Variants in ANKRD30B observed in about 807,000 individuals in gnomAD.
The protein encoded by ANKRD30B is ankyrin repeat domain-containing protein 30B.
In ANKRD30B, 144 loss-of-function variants were observed where a neutral mutation model predicts 202.2. That is an observed-to-expected ratio of 0.71 (90% CI 0.62 to 0.82). The LOEUF (loss-of-function observed/expected upper bound fraction) is 0.82. ANKRD30B is among the 40% of genes least tolerant of loss of function. The probability of loss-of-function intolerance (pLI) is 0.00; values close to 1 mark genes in which losing one functional copy is unlikely to be tolerated. For synonymous variants in ANKRD30B, 508 were observed against 561.3 expected (o/e 0.91, Z 1.34); for missense variants, 1,487 against 1,669.1 (o/e 0.89, Z 1.90).
Position 14,769,379 on chromosome 18 carries a change from A to G in ANKRD30B, c.1256+6A>G. 2 of 1,544,624 alleles carry G rather than the reference A, an allele frequency of 1.3e-6. No individual in the cohort carries two copies. Among genetic ancestry groups the G allele is most frequent in the Non-Finnish European group, 1.7e-6 (2 of 1,143,696 alleles). On this transcript the variant is annotated splice_donor_region_variant and intron_variant, in intron 8 of 43. Transcript: ENST00000690538. ...TCTGTAGAGCCTATATTCAGGTAAG[A>G]CTTTGCGGTTTTTTAAAACGAATAG...
In ANKRD30B at chr18:14,754,986, G is replaced by A. The variant is rs755217546; in HGVS notation, c.598G>A (p.Ala200Thr). Residue 200 changes from alanine to threonine, a missense_variant, in exon 4 of 44, where the codon GCA becomes ACA. Coordinates refer to ENST00000690538, the MANE Select transcript of ANKRD30B (RefSeq NM_001367607.2). ...FLLTKNANAN[A>T]FNESKCTALM... ...ACTAACAAAAAATGCAAATGCAAAC[G>A]CATTTAATGAGTCTAAATGGTATGG... 1.9e-5 allele frequency: 29 copies of A among 1,534,898 alleles called. No individual in the cohort carries two copies. Among genetic ancestry groups the A allele is most frequent in the Admixed American group, 1.7e-4 (8 of 47,806 alleles).
At position 14,840,604 on chromosome 18, in the gene ANKRD30B, A is replaced by G. The variant is rs1264933767; in HGVS notation, c.3005A>G (p.Asp1002Gly). 6 of 1,500,452 alleles carry G rather than the reference A, an allele frequency of 4.0e-6. 1 individual carries two copies. The African/African-American group carries it at 7.0e-5, about 18-fold the overall frequency. 92.9% of individuals were successfully genotyped at this position (1,500,452 alleles called of 1,614,324 possible). ...CTTTAACAGATTATCTCTGTGAGTGATACACAGAATTATGAGTGTTTACCT... is the reference window on the plus strand; with the variant it reads ...CTTTAACAGATTATCTCTGTGAGTGGTACACAGAATTATGAGTGTTTACCT... ...TSDSEIISVS[D>G]TQNYECLPEA... Residue 1002 changes from aspartate to glycine, a missense_variant, in exon 37 of 44, where the codon GAT becomes GGT. By Grantham distance (94) the Asp-to-Gly change is moderately conservative. This residue lies in a region of ANKRD30B where 218 missense variants were observed against 320.1 expected (regional missense o/e 0.68). Coordinates refer to ENST00000690538, the MANE Select transcript of ANKRD30B (RefSeq NM_001367607.2).
rs1221700594 is a variant in ANKRD30B at position 14,752,795 on chromosome 18, A to T, written c.337-44A>T. 9 of 1,564,004 alleles carry T rather than the reference A, an allele frequency of 5.8e-6. No individual in the cohort carries two copies. The African/African-American group carries it at 1.1e-4, about 19-fold the overall frequency. ...TGAAACCTGTGGAATACTTATTTTG[A>T]TTTCCTATAATTTATAATGTACTTC... On this transcript the variant is annotated intron_variant, in intron 2 of 43. Coordinates refer to ENST00000690538, the MANE Select transcript of ANKRD30B (RefSeq NM_001367607.2).
chr18:14,826,768 A>C (rs1328078669), intron 32 of ANKRD30B, among the ~76,000 whole-genome samples: 1 of 150,616 alleles, frequency 6.6e-6, no homozygotes, highest in African/African-American at 2.4e-5. Flanking sequence ...GTATTTTCTA[A>C]GACACCCATT....
chr18:14,936,744 G>A, the ANKRD30B span, among the ~76,000 whole-genome samples: 16 of 152,124 alleles, frequency 1.1e-4, no homozygotes, highest in Non-Finnish European at 2.4e-4. Flanking sequence ...ACTGCTCTAG[G>A]GGCTGGAGAA....
the ANKRD30B span, chr18:14,888,652 C>G: frequency 4.6e-6 from 2 of 437,458 alleles, no homozygotes; most frequent in African/African-American, 4.1e-5. Flanking sequence ...AGAAAACAGT[C>G]CACTTAAAGA....
At chr18:14,938,258 C>G in the ANKRD30B span, among the ~76,000 whole-genome samples, 4 of 152,166 alleles carry the variant, frequency 2.6e-5, no homozygotes, top group African/African-American at 9.7e-5. Flanking sequence ...TTGGATTAAA[C>G]AAGAAAATAA....
intron 23 of ANKRD30B, 123 bp from the exon 24 acceptor site, chr18:14,803,611 A>G (rs1969323962): frequency 8.8e-6 from 11 of 1,245,918 alleles, no homozygotes; most frequent in Non-Finnish European, 1.1e-5. Context: ...GTCTGCTCTT[A>G]AGTCGAATTC....
At chr18:14,867,726 G>A in the ANKRD30B span, among the ~76,000 whole-genome samples, 5 of 152,170 alleles carry the variant, frequency 3.3e-5, no homozygotes, top group South Asian at 2.1e-4. Flanking sequence ...AGGGAGCCCC[G>A]GGCACTGTGG....
At chr18:14,847,023 T>A (rs1971665516) in intron 39 of ANKRD30B, among the ~76,000 whole-genome samples, 1 of 147,908 alleles carries the variant, frequency 6.8e-6, no homozygotes, top group Non-Finnish European at 1.5e-5. Context: ...TCCTTCAGAC[T>A]AGTTTAGTAA....
At chr18:14,847,050 TTATATATATATATATA>T (rs56871571) in intron 39 of ANKRD30B, among the ~76,000 whole-genome samples, 1,821 of 111,108 alleles carry the variant, frequency 0.016, 50 homozygotes, top group African/African-American at 0.055. Context: ...TGATTTAGTT[TTATATATATATATATA>T]TATATATATA....
the ANKRD30B span, among the ~76,000 whole-genome samples, chr18:14,861,787 C>T: frequency 6.6e-6 from 1 of 152,040 alleles, no homozygotes; most frequent in African/African-American, 2.4e-5. Flanking sequence ...CCAAACAGAC[C>T]TAATAGATAT....
intron 9 of ANKRD30B, among the ~76,000 whole-genome samples, chr18:14,776,185 A>G (rs1163627869): frequency 2.6e-5 from 4 of 152,138 alleles, no homozygotes; most frequent in Non-Finnish European, 5.9e-5. Context: ...TCCTGATGAG[A>G]TTTTCAATAT....
intron 42 of ANKRD30B, among the ~76,000 whole-genome samples, chr18:14,853,367 A>G (rs1415597383): frequency 6.6e-6 from 1 of 152,160 alleles, no homozygotes; most frequent in African/African-American, 2.4e-5. Context: ...CAGGTTACCA[A>G]GGGCCTGTAA....
chr18:14,795,114 T>A lies in ANKRD30B; in HGVS notation c.1826-1107T>A, dbSNP rs180696172. Reference sequence around the variant, plus strand: ...TAAAACTGTTATTTTCAATAACCATTACTCTAACATTGAAATATGCAGGTT... The same window carrying A: ...TAAAACTGTTATTTTCAATAACCATAACTCTAACATTGAAATATGCAGGTT... On this transcript the variant is annotated intron_variant, in intron 16 of 43. Coordinates refer to ENST00000690538, the MANE Select transcript of ANKRD30B (RefSeq NM_001367607.2). 5.3e-5 allele frequency among the ~76,000 whole-genome samples: 8 copies of A among 152,362 alleles called. No individual in the cohort carries two copies. The East Asian group carries it at 1.5e-3, about 29-fold the overall frequency.
chr18:14,850,781 C>T (rs1246233388), intron 41 of ANKRD30B, among the ~76,000 whole-genome samples: 1 of 151,828 alleles, frequency 6.6e-6, no homozygotes, highest in Non-Finnish European at 1.5e-5. Flanking sequence ...TAGATTTTAT[C>T]TTCTTTACCA....
chr18:14,907,199 G>A, the ANKRD30B span, among the ~76,000 whole-genome samples: 1 of 152,114 alleles, frequency 6.6e-6, no homozygotes, highest in African/African-American at 2.4e-5. Flanking sequence ...GTCATGGCCT[G>A]AACCAGTTTC....
chr18:14,878,219 G>A, the ANKRD30B span, among the ~76,000 whole-genome samples: 1 of 152,186 alleles, frequency 6.6e-6, no homozygotes, highest in Non-Finnish European at 1.5e-5. Context: ...GTGGAACCGA[G>A]CAGATAGTAG....
At chr18:14,819,138 T>A (rs776747211) in intron 30 of ANKRD30B, among the ~76,000 whole-genome samples, 3 of 150,128 alleles carry the variant, frequency 2.0e-5, no homozygotes. Flanking sequence ...TTTCATGTGT[T>A]TTTTGGCTGC....
Sources: allele counts gnomAD v4.1 joint callset (sites outside exome capture counted in the v4.1 genomes callset), GRCh38; gene constraint gnomAD v4.1.1; regional missense constraint gnomAD v4.1.1; transcripts MANE v1.5; gene names NCBI Gene and HGNC (gene_info 2026-07-23, HGNC 2026-07-21).